TOMM20L: variants seen among roughly 807,000 people sequenced by gnomAD.
TOMM20L encodes TOMM20-like protein 1.
A neutral mutation model predicts 20.4 loss-of-function variants in TOMM20L; 19 were observed. The observed-to-expected ratio is 0.93, with a 90% CI of 0.65 to 1.36. The LOEUF (loss-of-function observed/expected upper bound fraction) is 1.36, where lower values mean the gene tolerates loss of function less well. Ranked by LOEUF, TOMM20L falls within the 40% of genes most tolerant of loss-of-function variation. The pLI, the probability that TOMM20L is intolerant of heterozygous loss-of-function variation, is 0.00. For synonymous variants in TOMM20L, 75 were observed against 79.6 expected, an observed-to-expected ratio of 0.94 and a Z score of 0.30; for missense variants, 218 against 203.7, an observed-to-expected ratio of 1.07 and a Z score of -0.43.
downstream of TOMM20L, chr14:58,410,764 C>A (rs1479706350): frequency 2.1e-6 from 2 of 962,226 alleles, no homozygotes; most frequent in Non-Finnish European, 3.1e-6. Flanking sequence ...TAAGTAGGAA[C>A]AAGTGAAATG....
At chr14:58,412,257 T>A, downstream of TOMM20L, 1 of 301,464 alleles carries the variant, frequency 3.3e-6, no homozygotes, top group Non-Finnish European at 6.3e-6. Context: ...TTCTCCTGCC[T>A]CAGCCTCCTG....
In TOMM20L at chr14:58,404,099, G is replaced by GTGTGTGTATATATA. The variant is rs1408980666; in HGVS notation, c.262+1339_262+1340insGTGTGTATATATAT. On this transcript the variant is annotated intron_variant, in intron 3 of 4. Transcript: ENST00000360945. ...GTACAATGTATATATACATATATAT[G>GTGTGTGTATATATA]TATATATATATATATATATATTTTT... Among the ~76,000 whole-genome samples, 76 of 22,938 alleles carry GTGTGTGTATATATA rather than the reference G, an allele frequency of 3.3e-3. 14 individuals are homozygous for GTGTGTGTATATATA. Among genetic ancestry groups the GTGTGTGTATATATA allele is most frequent in the Admixed American group, 8.4e-3 (9 of 1,072 alleles). The allele number at this position is 22,938 out of a possible 152,430, so 15.0% of individuals were successfully genotyped here. A position where few individuals can be genotyped will look rare whatever the true frequency, so the allele number is the denominator to read the frequency against.
chr14:58,407,261 G>C (rs2036073707), intron 3 of TOMM20L, 65 bp from the exon 4 acceptor site: 2 of 1,475,978 alleles, frequency 1.4e-6, no homozygotes, highest in Non-Finnish European at 1.8e-6. Context: ...TGCTTTCTTG[G>C]ATTTGTAGAA....
intron 4 of TOMM20L, among the ~76,000 whole-genome samples, chr14:58,408,231 A>G (rs1452792725): frequency 6.6e-6 from 1 of 152,078 alleles, no homozygotes; most frequent in African/African-American, 2.4e-5. Context: ...AGCCTGGCCA[A>G]TGTGGTGAAA....
intron 3 of TOMM20L, among the ~76,000 whole-genome samples, chr14:58,403,341 G>A (rs1449311874): frequency 6.6e-6 from 1 of 152,168 alleles, no homozygotes; most frequent in Non-Finnish European, 1.5e-5. Flanking sequence ...CTGGGAGACA[G>A]AGACTCTGTC....
At chr14:58,411,172 G>A (rs759765852), downstream of TOMM20L, among the ~76,000 whole-genome samples, 1 of 152,146 alleles carries the variant, frequency 6.6e-6, no homozygotes, top group African/African-American at 2.4e-5. Flanking sequence ...GCTTGGCCGG[G>A]TGCGGTAGCT....
At chr14:58,416,601 C>A in the TOMM20L span, among the ~76,000 whole-genome samples, 1 of 152,142 alleles carries the variant, frequency 6.6e-6, no homozygotes. Context: ...GAGGAAAACA[C>A]AGTAATAGGT....
intron 2 of TOMM20L, 89 bp downstream of exon 2, chr14:58,396,430 G>A (rs1378963291): frequency 1.4e-6 from 2 of 1,462,680 alleles, no homozygotes; most frequent in Non-Finnish European, 9.4e-7. Flanking sequence ...TCGGCAGCAG[G>A]TAGTTAGTTC....
At chr14:58,415,524 A>G in the TOMM20L span, among the ~76,000 whole-genome samples, 1 of 152,226 alleles carries the variant, frequency 6.6e-6, no homozygotes, top group Non-Finnish European at 1.5e-5. Flanking sequence ...GAAGATATCA[A>G]GACCCAAATG....
chr14:58,399,290 G>T (rs1371504226), intron 2 of TOMM20L, among the ~76,000 whole-genome samples: 1 of 152,068 alleles, frequency 6.6e-6, no homozygotes, highest in East Asian at 1.9e-4. Context: ...CCCAAAGTAT[G>T]GTCCATTGCT....
Position 58,396,071 on chromosome 14 carries a change from G to C in TOMM20L, c.114G>C (p.Ala38=). 7.1e-7 allele frequency: 1 copy of C among 1,403,488 alleles called. No individual in the cohort carries two copies. Among genetic ancestry groups the C allele is most frequent in the East Asian group, 2.9e-5 (1 of 35,074 alleles). The allele number at this position is 1,403,488 out of a possible 1,614,324, so 86.9% of individuals were successfully genotyped here. A position where few individuals can be genotyped will look rare whatever the true frequency, so the allele number is the denominator to read the frequency against. ...ACCGGAAGCGGCGCGGGGACCCCGC[G>C]TTCAAGCGCCGCCTGCGGGACAGTG... The part of the protein sequence containing the change: ...YLNRKRRGDP[A]FKRRLRDKRR... Residue 38 remains alanine, a synonymous_variant, in exon 1 of 5, where the codon GCG becomes GCC. Coordinates refer to ENST00000360945, the MANE Select transcript of TOMM20L (RefSeq NM_207377.3).
intron 2 of TOMM20L, among the ~76,000 whole-genome samples, chr14:58,398,225 C>T (rs1271070616): frequency 6.6e-6 from 1 of 152,174 alleles, no homozygotes; most frequent in East Asian, 1.9e-4. Flanking sequence ...TAATGCTTTC[C>T]GTTTATTACA....
intron 3 of TOMM20L, among the ~76,000 whole-genome samples, chr14:58,405,831 T>A (rs2036050451): frequency 6.6e-6 from 1 of 152,264 alleles, no homozygotes; most frequent in Non-Finnish European, 1.5e-5. Flanking sequence ...AGAAGTTTTA[T>A]ACTTCCATAT....
downstream of TOMM20L, chr14:58,408,771 A>C (rs2036113764): frequency 4.3e-6 from 3 of 705,326 alleles, no homozygotes; most frequent in Non-Finnish European, 6.8e-6. Context: ...TTATTTTTCT[A>C]ATCAAGTGAC....
chr14:58,410,804 G>T, downstream of TOMM20L: 1 of 1,427,830 alleles, frequency 7.0e-7, no homozygotes, highest in South Asian at 1.2e-5. Context: ...GAGTGTTTAT[G>T]AAGGCTTGTA....
chr14:58,401,710 T>C (rs1161321865), intron 2 of TOMM20L, among the ~76,000 whole-genome samples: 1 of 152,200 alleles, frequency 6.6e-6, no homozygotes, highest in African/African-American at 2.4e-5. Context: ...TATTTTGGGC[T>C]AGGCTTTGCA....
chr14:58,407,525 C>CT, intron 4 of TOMM20L, 57 bp downstream of exon 4: 1 of 1,505,194 alleles, frequency 6.6e-7, no homozygotes, highest in South Asian at 1.3e-5. Context: ...CTATGTTATG[C>CT]TTGACTACAC....
chr14:58,396,364 A>G, intron 2 of TOMM20L, 23 bp downstream of exon 2: 1 of 1,612,792 alleles, frequency 6.2e-7, no homozygotes, highest in African/African-American at 1.3e-5. Flanking sequence ...CGATCCGCAC[A>G]GGTAGCTCAG....
intron 3 of TOMM20L, among the ~76,000 whole-genome samples, chr14:58,404,877 A>G (rs926569072): frequency 2.0e-5 from 3 of 152,216 alleles, no homozygotes; most frequent in African/African-American, 4.8e-5. Flanking sequence ...GAACTGACTT[A>G]AATGATTATA....
Sources: gnomAD v4.1 joint callset for allele counts (sites outside exome capture counted in the v4.1 genomes callset) on GRCh38, gnomAD v4.1.1 for gene constraint, MANE v1.5 for transcripts, NCBI Gene and HGNC (gene_info 2026-07-23, HGNC 2026-07-21) for gene names.